Variants in CARM1 observed in about 807,000 individuals in gnomAD.
CARM1 encodes histone-arginine methyltransferase CARM1.
In CARM1, 14 loss-of-function variants were observed where a neutral mutation model predicts 72.7. The observed-to-expected ratio is 0.19, with a 90% CI of 0.13 to 0.30. The LOEUF is 0.30. Ranked by LOEUF, CARM1 falls within the 10% of genes least tolerant of loss-of-function variation. The pLI is 1.00. For synonymous variants in CARM1, 333 were observed against 345.5 expected, an observed-to-expected ratio of 0.96 and a Z score of 0.40; for missense variants, 432 against 833.7, an observed-to-expected ratio of 0.52 and a Z score of 5.93.
intron 1 of CARM1, among the ~76,000 whole-genome samples, chr19:10,887,887 C>T (rs759701470): frequency 6.6e-6 from 1 of 152,222 alleles, no homozygotes; most frequent in Non-Finnish European, 1.5e-5. Flanking sequence ...GTACTCCCCT[C>T]CTCTGGGTGA....
chr19:10,903,263 G>T (rs143336063), intron 1 of CARM1, among the ~76,000 whole-genome samples: 1 of 152,200 alleles, frequency 6.6e-6, no homozygotes, highest in African/African-American at 2.4e-5. Flanking sequence ...TTTCATTACT[G>T]TACCTTCGTA....
At chr19:10,879,177 G>A (rs1418076464) in intron 1 of CARM1, among the ~76,000 whole-genome samples, 1 of 152,172 alleles carries the variant, frequency 6.6e-6, no homozygotes, top group Non-Finnish European at 1.5e-5. Flanking sequence ...ATTACACCCT[G>A]GCTTCCAGAC....
chr19:10,890,764 T>TAC (rs201011195), intron 1 of CARM1, among the ~76,000 whole-genome samples: 7,728 of 67,020 alleles, frequency 0.12, 538 homozygotes, highest in Middle Eastern at 0.17. Flanking sequence ...CACACACATA[T>TAC]ACACACACAC....
intron 8 of CARM1, 185 bp from the exon 9 acceptor site, chr19:10,919,410 C>G (rs1171237822): frequency 1.7e-5 from 10 of 583,802 alleles, no homozygotes; most frequent in Non-Finnish European, 2.7e-5. Flanking sequence ...ATTTGGAGAG[C>G]TGTCACCTGA....
Position 10,916,571 on chromosome 19 carries a change from G to T in CARM1, c.938+74G>T. 2 of 1,412,096 alleles carry T rather than the reference G, an allele frequency of 1.4e-6. No homozygotes were observed. Among genetic ancestry groups the T allele is most frequent in the Non-Finnish European group, 2.0e-6 (2 of 1,004,236 alleles). The allele number at this position is 1,412,096 out of a possible 1,614,324, so 87.5% of individuals were successfully genotyped here. A position where few individuals can be genotyped will look rare whatever the true frequency, so the allele number is the denominator to read the frequency against. The stretch of plus-strand genomic sequence containing the variant: ...AGGGACAGCCCCAGCTCCCCAGAGA[G>T]CCTGCACTCCTCTTTTTCTGAAAGA... On this transcript the variant is annotated intron_variant, in intron 7 of 15. Coordinates refer to ENST00000327064, the MANE Select transcript of CARM1 (RefSeq NM_199141.2). This position sits in a 1 kb window ranked among gnomAD's most constrained non-coding sequence, Gnocchi z 4.4.
At chr19:10,909,430 T>C (rs967010271) in intron 4 of CARM1, among the ~76,000 whole-genome samples, 1 of 141,722 alleles carries the variant, frequency 7.1e-6, no homozygotes, top group Non-Finnish European at 1.5e-5. Flanking sequence ...GACTCTTGTC[T>C]CTTAAAAAAA....
At chr19:10,906,935 C>T (rs1466772006) in intron 2 of CARM1, among the ~76,000 whole-genome samples, 1 of 131,012 alleles carries the variant, frequency 7.6e-6, no homozygotes, top group Non-Finnish European at 1.6e-5. Flanking sequence ...GAGACAGAGT[C>T]TCACTCTGTT....
chr19:10,897,646 C>T (rs1179019574), intron 1 of CARM1, among the ~76,000 whole-genome samples: 1 of 152,194 alleles, frequency 6.6e-6, no homozygotes, highest in East Asian at 1.9e-4. Flanking sequence ...CCGTTGGAGA[C>T]TCCACCTGGA....
rs1229015115 is a variant in CARM1 at position 10,871,637 on chromosome 19, G to GGCGGCGGCGGCGGCAGCA, written c.-64_-63insGGCGGCGGCGGCAGCAGC. ...CGGCGGCGGCGGCGGCGGCGGCGGC[G>GGCGGCGGCGGCGGCAGCA]GCAGCGGCGGCGGCCTGGGCCCGGG... On this transcript the variant is annotated 5_prime_UTR_variant, in exon 1 of 16. Transcript: ENST00000327064. This position sits in a 1 kb window ranked among gnomAD's most constrained non-coding sequence, Gnocchi z 5.6. The GGCGGCGGCGGCGGCAGCA allele has an allele frequency of 6.1e-5, 10 of 164,150 alleles. No homozygotes were observed. The highest frequency in any genetic ancestry group is 3.8e-4 in the African/African-American group (10 of 26,008). 10.2% of individuals were successfully genotyped at this position (164,150 alleles called of 1,614,324 possible).
At chr19:10,907,975 C>T in intron 2 of CARM1, 64 bp from the exon 3 acceptor site, 4 of 967,632 alleles carry the variant, frequency 4.1e-6, no homozygotes, top group Non-Finnish European at 6.7e-6. Flanking sequence ...CAGAACCTTC[C>T]CTCCCAGATG....
At chr19:10,881,602 C>T (rs1474321657) in intron 1 of CARM1, among the ~76,000 whole-genome samples, 1 of 151,856 alleles carries the variant, frequency 6.6e-6, no homozygotes, top group Non-Finnish European at 1.5e-5. Context: ...AGAGAGCAGT[C>T]CCCTGGAGGG....
intron 1 of CARM1, among the ~76,000 whole-genome samples, chr19:10,901,207 T>A (rs974256717): frequency 6.6e-6 from 1 of 151,982 alleles, no homozygotes; most frequent in East Asian, 1.9e-4. Context: ...GGTCTTGAAC[T>A]CCTGACCTCA....
intron 9 of CARM1, 91 bp from the exon 10 acceptor site, chr19:10,919,786 G>T (rs764106514): frequency 3.3e-6 from 5 of 1,506,244 alleles, no homozygotes; most frequent in Non-Finnish European, 4.6e-6. Context: ...ATGGTGGGCG[G>T]GGGCCCCAGG....
intron 1 of CARM1, among the ~76,000 whole-genome samples, chr19:10,890,196 G>A (rs1000765097): frequency 6.6e-6 from 1 of 152,046 alleles, no homozygotes; most frequent in Admixed American, 6.6e-5. Context: ...AGACCAGCCT[G>A]GGCAACATAG....
rs1281545894 is a variant in CARM1 at position 10,908,421 on chromosome 19, A to G, written c.453+276A>G. 4 of 401,124 alleles carry G rather than the reference A, an allele frequency of 1.0e-5. No homozygotes were observed. In the Admixed American group the frequency reaches 1.2e-4, roughly 12 times the overall value. 24.8% of individuals were successfully genotyped at this position (401,124 alleles called of 1,614,324 possible). ...CCACAGGCGTTGTGAATAACGGTAG[A>G]GCAGTTACAATGCCCTGAGCGCTCC... On this transcript the variant is annotated intron_variant, in intron 3 of 15. Coordinates refer to ENST00000327064, the MANE Select transcript of CARM1 (RefSeq NM_199141.2).
intron 1 of CARM1, among the ~76,000 whole-genome samples, chr19:10,877,115 C>G (rs2073870499): frequency 6.6e-6 from 1 of 152,054 alleles, no homozygotes; most frequent in Non-Finnish European, 1.5e-5. Flanking sequence ...TGGTTACACT[C>G]CTGGGATCCC....
At chr19:10,901,528 T>G (rs1415159061) in intron 1 of CARM1, among the ~76,000 whole-genome samples, 2 of 152,058 alleles carry the variant, frequency 1.3e-5, no homozygotes, top group Non-Finnish European at 2.9e-5. Flanking sequence ...TCTTACTATG[T>G]TGCCCAGGCT....
intron 1 of CARM1, among the ~76,000 whole-genome samples, chr19:10,892,364 A>G (rs747243008): frequency 9.9e-5 from 15 of 152,214 alleles, no homozygotes; most frequent in Non-Finnish European, 2.2e-4. Context: ...GCTCCTGGAC[A>G]CCCAGCTCCG....
At chr19:10,913,750 C>T (rs1410221368) in intron 5 of CARM1, 127 bp from the exon 6 acceptor site, 5 of 971,922 alleles carry the variant, frequency 5.1e-6, no homozygotes, top group East Asian at 5.4e-5. Context: ...GTTGGGGCGC[C>T]AGCGAAGCAG....
Sources: gnomAD v4.1 joint callset for allele counts (sites outside exome capture counted in the v4.1 genomes callset) on GRCh38, gnomAD v4.1.1 for gene constraint, Gnocchi (gnomAD v3.1) non-coding constraint, MANE v1.5 for transcripts, NCBI Gene and HGNC (gene_info 2026-07-23, HGNC 2026-07-21) for gene names.